Variants in PKIB observed in about 807,000 individuals in gnomAD.
The protein encoded by PKIB is cAMP-dependent protein kinase inhibitor beta, also known as PKI-beta.
PKIB carries 2 observed loss-of-function variants against 4.5 expected under a neutral mutation model. The observed-to-expected ratio is 0.44, with a 90% CI of 0.18 to 1.39. The LOEUF is 1.39. PKIB is among the 40% of genes most tolerant of loss of function. The pLI, the probability that PKIB is intolerant of heterozygous loss-of-function variation, is 0.27. For missense variants in PKIB, 94 were observed against 92.6 expected, an observed-to-expected ratio of 1.02 and a Z score of -0.06; for synonymous variants, 38 against 36.0, an observed-to-expected ratio of 1.06 and a Z score of -0.20.
chr6:122,545,998 T>C lies in PKIB; in HGVS notation c.-247-39923T>C, dbSNP rs758329261. On this transcript the variant is annotated intron_variant, in intron 2 of 6. Coordinates refer to the PKIB transcript ENST00000392491. ...AGGTATAGCGTTAAGGGGTTTCTAG[T>C]ATGAGAAAAGTCCCAGGAGCAGGGG... is the stretch of plus-strand genomic sequence containing the variant. 1.8e-4 allele frequency among the ~76,000 whole-genome samples: 28 copies of C among 151,932 alleles called. 1 individual carries two copies. The highest frequency in any genetic ancestry group is 2.6e-4 in the Non-Finnish European group (18 of 68,012).
chr6:122,609,467 ATT>A (rs35399189), upstream of PKIB, among the ~76,000 whole-genome samples: 21,057 of 152,220 alleles, frequency 0.14, 1,607 homozygotes, highest in Non-Finnish European at 0.15. Context: ...GTCTGATTAT[ATT>A]TTCGTATTTC....
At chr6:122,523,861 C>T (rs560291716) in intron 2 of PKIB, among the ~76,000 whole-genome samples, 27 of 151,998 alleles carry the variant, frequency 1.8e-4, no homozygotes, top group Middle Eastern at 6.4e-3. Flanking sequence ...GCTTCTCCTT[C>T]GCCTTCTGCC....
chr6:122,623,981 C>T (rs554882763), intron 1 of PKIB, among the ~76,000 whole-genome samples: 2 of 152,062 alleles, frequency 1.3e-5, no homozygotes, highest in Non-Finnish European at 2.9e-5. Flanking sequence ...TTCAGTATGT[C>T]ATTTAAACCT....
chr6:122,565,578 G>A (rs544282591), intron 2 of PKIB, among the ~76,000 whole-genome samples: 19 of 152,270 alleles, frequency 1.2e-4, no homozygotes, highest in African/African-American at 3.8e-4. Flanking sequence ...GTAGACACAT[G>A]AGTCTAAGAG....
chr6:122,529,459 C>G (rs1429185304), intron 2 of PKIB, among the ~76,000 whole-genome samples: 15 of 152,036 alleles, frequency 9.9e-5, no homozygotes, highest in Admixed American at 9.8e-4. Context: ...TTTTATGCAT[C>G]AAAATTACAA....
rs1007986752 is a variant in PKIB at position 122,668,716 on chromosome 6, G to T, written c.-75-6362G>T. On this transcript the variant is annotated intron_variant, in intron 2 of 4. Coordinates refer to ENST00000368452, the MANE Select transcript of PKIB (RefSeq NM_181795.3). ...TAACATTGCCTGAATGTTCTGGAAT[G>T]CTGATGACCTTCCAGGAATATTAGC... 2.6e-5 allele frequency among the ~76,000 whole-genome samples: 4 copies of T among 152,178 alleles called. No homozygotes were observed. The South Asian group carries it at 8.3e-4, about 32-fold the overall frequency.
chr6:122,539,804 C>A (rs1777534526), intron 2 of PKIB, among the ~76,000 whole-genome samples: 4 of 151,980 alleles, frequency 2.6e-5, no homozygotes, highest in Admixed American at 2.6e-4. Flanking sequence ...GTGAATCCAT[C>A]TGGTCCTGGA....
chr6:122,689,839 C>T (rs1489972956), intron 3 of PKIB, among the ~76,000 whole-genome samples: 2 of 152,082 alleles, frequency 1.3e-5, no homozygotes, highest in African/African-American at 4.8e-5. Flanking sequence ...CTGTCCAGTG[C>T]TGCAAGTGGG....
rs150353999 is a variant in PKIB, at chr6:122,487,772, C to T, written c.-248+9833C>T. On this transcript the variant is annotated intron_variant, in intron 2 of 6. Coordinates refer to the PKIB transcript ENST00000392491. ...GAGAAACAAATTTCTGTTGTTTATA[C>T]GCTACCCAATTTAAGGTTTTTAGTT... Among the ~76,000 whole-genome samples, 465 of 152,256 alleles carry T rather than the reference C, an allele frequency of 3.1e-3. 2 individuals carry two copies. Among genetic ancestry groups the T allele is most frequent in the African/African-American group, 0.011 (439 of 41,550 alleles).
chr6:122,683,329 C>G (rs906016009), intron 3 of PKIB, among the ~76,000 whole-genome samples: 3 of 152,028 alleles, frequency 2.0e-5, no homozygotes, highest in Non-Finnish European at 4.4e-5. Context: ...AAAGGGGGAA[C>G]AGTCATGTCA....
intron 2 of PKIB, among the ~76,000 whole-genome samples, chr6:122,570,239 T>C (rs931510216): frequency 6.6e-6 from 1 of 152,196 alleles, no homozygotes; most frequent in African/African-American, 2.4e-5. Flanking sequence ...ATGCCTTCCC[T>C]GCTGGCCTGG....
chr6:122,612,576 A>G (rs1582737289), intron 1 of PKIB, among the ~76,000 whole-genome samples: 1 of 152,168 alleles, frequency 6.6e-6, no homozygotes, highest in Non-Finnish European at 1.5e-5. Flanking sequence ...GGCTTCTCTT[A>G]CTTAGCATAA....
At chr6:122,516,354 A>G (rs938388795) in intron 2 of PKIB, among the ~76,000 whole-genome samples, 6 of 152,140 alleles carry the variant, frequency 3.9e-5, no homozygotes, top group Non-Finnish European at 7.4e-5. Flanking sequence ...TAGGAGACCT[A>G]AAGGTAAATC....
chr6:122,598,331 A>G (rs1016155909), intron 3 of PKIB, among the ~76,000 whole-genome samples: 2 of 150,776 alleles, frequency 1.3e-5, no homozygotes, highest in African/African-American at 2.4e-5. Flanking sequence ...TAATTAGCCA[A>G]TGCCAGAGCT....
At chr6:122,570,322 A>T (rs891466092) in intron 2 of PKIB, among the ~76,000 whole-genome samples, 8 of 152,130 alleles carry the variant, frequency 5.3e-5, no homozygotes, top group African/African-American at 1.9e-4. Flanking sequence ...CTTCCCAGCC[A>T]CCTTCAACAA....
intron 2 of PKIB, among the ~76,000 whole-genome samples, chr6:122,547,459 C>G (rs1420613730): frequency 6.6e-6 from 1 of 152,036 alleles, no homozygotes; most frequent in African/African-American, 2.4e-5. Flanking sequence ...CCTCAGCCTC[C>G]CTGGTAGCTG....
intron 1 of PKIB, among the ~76,000 whole-genome samples, chr6:122,621,235 G>A (rs1775214915): frequency 6.6e-6 from 1 of 152,126 alleles, no homozygotes; most frequent in Admixed American, 6.5e-5. Context: ...GGATTAATGA[G>A]ATTAGAAACA....
intron 3 of PKIB, among the ~76,000 whole-genome samples, chr6:122,675,926 C>G (rs1450132997): frequency 2.0e-5 from 3 of 152,022 alleles, no homozygotes; most frequent in Non-Finnish European, 4.4e-5. Flanking sequence ...AGTCCCTGAC[C>G]ATTTTTGGCA....
upstream of PKIB, among the ~76,000 whole-genome samples, chr6:122,605,489 TC>T (rs1774500506): frequency 6.6e-6 from 1 of 152,194 alleles, no homozygotes; most frequent in South Asian, 2.1e-4. Context: ...TAAAAAATTT[TC>T]CTTTACAAGG....
Sources: allele counts gnomAD v4.1 joint callset (sites outside exome capture counted in the v4.1 genomes callset), GRCh38; gene constraint gnomAD v4.1.1; transcripts MANE v1.5; gene names NCBI Gene and HGNC (gene_info 2026-07-23, HGNC 2026-07-21).